Variants in LTBP1 observed in about 807,000 individuals in gnomAD.
The protein encoded by LTBP1 is latent-transforming growth factor beta-binding protein 1.
Under a neutral mutation model 207.6 loss-of-function variants are expected in LTBP1, and 129 were observed. The observed-to-expected ratio is 0.62, with a 90% CI of 0.54 to 0.72. The LOEUF (loss-of-function observed/expected upper bound fraction) is 0.72, where lower values mean the gene tolerates loss of function less well. LTBP1 is among the 30% of genes least tolerant of loss of function. The pLI, the probability that LTBP1 is intolerant of heterozygous loss-of-function variation, is 0.00. For missense variants in LTBP1, 2,281 were observed against 2,217.2 expected (o/e 1.03, Z -0.58); for synonymous variants, 963 against 833.7 (o/e 1.16, Z -2.67).
intron 19 of LTBP1, among the ~76,000 whole-genome samples, chr2:33,290,556 G>A (rs1221045236): frequency 6.6e-6 from 1 of 152,186 alleles, no homozygotes; most frequent in South Asian, 2.1e-4. Flanking sequence ...ATGGATTAGA[G>A]AAGCCAAGTC....
At chr2:33,144,638 G>T (rs2082876246) in intron 5 of LTBP1, among the ~76,000 whole-genome samples, 1 of 152,008 alleles carries the variant, frequency 6.6e-6, no homozygotes, top group South Asian at 2.1e-4. Flanking sequence ...CTTACCTCTG[G>T]GCTCCTAGGT....
chr2:33,120,827 T>C (rs1052392099), intron 4 of LTBP1, among the ~76,000 whole-genome samples: 1 of 152,202 alleles, frequency 6.6e-6, no homozygotes, highest in Non-Finnish European at 1.5e-5. Flanking sequence ...TGTATGTGTA[T>C]TTTTTAAAGT....
At chr2:33,139,044 G>T (rs1448250689) in intron 5 of LTBP1, among the ~76,000 whole-genome samples, 1 of 151,190 alleles carries the variant, frequency 6.6e-6, no homozygotes, top group Admixed American at 6.6e-5. Flanking sequence ...ATTTTTAGTA[G>T]AGACGGGGTT....
intron 5 of LTBP1, among the ~76,000 whole-genome samples, chr2:33,167,016 T>A (rs17012628): frequency 0.065 from 9,863 of 152,222 alleles, 551 homozygotes; most frequent in African/African-American, 0.15. Context: ...TCCTGGCTGA[T>A]AGCTACTCCG....
intron 23 of LTBP1, among the ~76,000 whole-genome samples, chr2:33,311,727 C>T (rs999707632): frequency 5.3e-5 from 8 of 152,172 alleles, no homozygotes; most frequent in South Asian, 2.1e-4. Flanking sequence ...TTCAGTCACA[C>T]GGAACTAATT....
At chr2:33,071,176 C>A (rs113043238) in intron 3 of LTBP1, among the ~76,000 whole-genome samples, 2,175 of 152,240 alleles carry the variant, frequency 0.014, 33 homozygotes, top group African/African-American at 0.046. Flanking sequence ...GTGAGTCGTT[C>A]AGGCCACTTC....
At position 33,355,460 on chromosome 2, in the gene LTBP1, A is replaced by C. The variant is rs573230520; in HGVS notation, c.4001-5137A>C. Among the ~76,000 whole-genome samples the C allele has an allele frequency of 3.3e-5, 5 of 152,274 alleles. No homozygotes were observed. The South Asian group carries it at 8.3e-4, about 25-fold the overall frequency. On this transcript the variant is annotated intron_variant, in intron 26 of 33. Coordinates refer to ENST00000404816, the MANE Select transcript of LTBP1 (RefSeq NM_206943.4). ...TAATACATAATACTATATAAATGACATGTAAATTGTTACACTATACTGTTG... is the reference window on the plus strand; with the variant it reads ...TAATACATAATACTATATAAATGACCTGTAAATTGTTACACTATACTGTTG...
chr2:33,300,509 G>T lies in LTBP1; in HGVS notation c.3294G>T (p.Glu1098Asp), dbSNP rs757826083. The T allele has an allele frequency of 2.0e-5, 33 of 1,613,810 alleles. No homozygotes were observed. In the South Asian group the frequency reaches 3.6e-4, roughly 18 times the overall value. Reference protein sequence around the residue: ...LCVNGQCKNTEGSFRCTCGQG... With the variant: ...LCVNGQCKNTDGSFRCTCGQG... ...TAAACGGGCAGTGCAAAAATACCGA[G>T]GGCTCCTTCAGGTGCACCTGTGGAC... is the stretch of plus-strand genomic sequence containing the variant. Residue 1098 changes from glutamate to aspartate, a missense_variant, in exon 21 of 34, where the codon GAG becomes GAT. By Grantham distance (45) the Glu-to-Asp change is conservative. Coordinates refer to ENST00000404816, the MANE Select transcript of LTBP1 (RefSeq NM_206943.4).
At chr2:33,301,163 A>G (rs1193295187) in intron 21 of LTBP1, among the ~76,000 whole-genome samples, 1 of 152,214 alleles carries the variant, frequency 6.6e-6, no homozygotes, top group Admixed American at 6.5e-5. Flanking sequence ...GCACACAGAA[A>G]TACTTCACTT....
intron 2 of LTBP1, among the ~76,000 whole-genome samples, chr2:32,964,399 TG>T (rs1679625615): frequency 1.3e-5 from 2 of 152,188 alleles, no homozygotes; most frequent in African/African-American, 4.8e-5. Context: ...TGCAAAGACA[TG>T]TCACTTGAAT....
rs1056523201 is a variant in LTBP1 at position 33,313,839 on chromosome 2, A to G, written c.3605-1305A>G. Among the ~76,000 whole-genome samples the G allele has an allele frequency of 3.9e-5, 6 of 152,214 alleles. No individual in the cohort carries two copies. The East Asian group carries it at 1.2e-3, about 29-fold the overall frequency. ...GCTTTTCAGCTGAGATCGTTTATCA[A>G]GGAGCCATCAGTGTAATGAGGGACA... On this transcript the variant is annotated intron_variant, in intron 23 of 33. Transcript: ENST00000404816.
At chr2:33,040,595 C>T (rs1457282972) in intron 3 of LTBP1, among the ~76,000 whole-genome samples, 3 of 152,218 alleles carry the variant, frequency 2.0e-5, no homozygotes, top group African/African-American at 4.8e-5. Flanking sequence ...CTCCAATCCA[C>T]GCCTCACTGT....
chr2:32,947,434 G>A lies in LTBP1; in HGVS notation c.110G>A (p.Gly37Asp). The A allele has an allele frequency of 6.9e-7, 1 of 1,441,540 alleles. No individual in the cohort carries two copies. Among genetic ancestry groups the A allele is most frequent in the Non-Finnish European group, 9.1e-7 (1 of 1,099,964 alleles). The allele number at this position is 1,441,540 out of a possible 1,614,324, so 89.3% of individuals were successfully genotyped here. ...ACCTACGTGGTGCACCCGGGCCCCG[G>A]CCTGGCAGCCGGCGCCTTGCCCCTG... ...RITYVVHPGP[G>D]LAAGALPLSG... Residue 37 changes from glycine to aspartate, a missense_variant, in exon 1 of 34, where the codon GGC (glycine) becomes GAC (aspartate). Gly to Asp is a moderately conservative substitution (Grantham distance 94, BLOSUM62 -1). Transcript: ENST00000404816.
intron 2 of LTBP1, among the ~76,000 whole-genome samples, chr2:33,014,546 T>C (rs1573094101): frequency 6.6e-6 from 1 of 152,204 alleles, no homozygotes; most frequent in African/African-American, 2.4e-5. Context: ...CCAGGACACA[T>C]GCGGTAGACA....
At chr2:33,273,247 T>A (rs947101601) in intron 15 of LTBP1, among the ~76,000 whole-genome samples, 13 of 152,172 alleles carry the variant, frequency 8.5e-5, no homozygotes, top group Non-Finnish European at 1.5e-4. Context: ...AATGTGTTTC[T>A]TATCAATAGA....
rs555606569 is a variant in LTBP1 at position 33,296,807 on chromosome 2, C to T, written c.3235+3525C>T. ...AAGCTGTGTGAGCTTGGATAAGTTA[C>T]GGTATCTTACTTCACTAAGCCTTAC... On this transcript the variant is annotated intron_variant, in intron 20 of 33. Coordinates refer to ENST00000404816, the MANE Select transcript of LTBP1 (RefSeq NM_206943.4). Among the ~76,000 whole-genome samples the T allele has an allele frequency of 9.9e-5, 15 of 152,168 alleles. No individual in the cohort carries two copies. In the South Asian group the frequency reaches 1.7e-3, roughly 17 times the overall value.
At chr2:33,318,464 A>T (rs2094305117) in intron 24 of LTBP1, among the ~76,000 whole-genome samples, 1 of 152,226 alleles carries the variant, frequency 6.6e-6, no homozygotes, top group Non-Finnish European at 1.5e-5. Context: ...GGAATTGGGG[A>T]TAAAGAAGCC....
chr2:33,013,566 T>G (rs1687957877), intron 2 of LTBP1, among the ~76,000 whole-genome samples: 1 of 152,098 alleles, frequency 6.6e-6, no homozygotes, highest in Non-Finnish European at 1.5e-5. Context: ...TAACTTTTTC[T>G]TTTTTTTCAT....
At chr2:33,047,726 C>G (rs939571845) in intron 3 of LTBP1, among the ~76,000 whole-genome samples, 4 of 152,114 alleles carry the variant, frequency 2.6e-5, no homozygotes, top group African/African-American at 9.7e-5. Context: ...GTTAAAGTCT[C>G]CCACTATTAT....
Sources: allele counts gnomAD v4.1 joint callset (sites outside exome capture counted in the v4.1 genomes callset), GRCh38; gene constraint gnomAD v4.1.1; transcripts MANE v1.5; gene names NCBI Gene and HGNC (gene_info 2026-07-23, HGNC 2026-07-21).